The following GRIN2B variants were observed in gnomAD, a reference collection of about 807,000 sequenced individuals.
GRIN2B encodes the protein glutamate receptor ionotropic, NMDA 2B.
GRIN2B carries 5 observed loss-of-function variants against 114.5 expected under a neutral mutation model. The observed-to-expected ratio is 0.04, with a 90% CI of 0.02 to 0.09. The LOEUF (loss-of-function observed/expected upper bound fraction) is 0.09. Among genes scored for constraint, GRIN2B ranks in the 10% least tolerant of loss-of-function variants. GRIN2B has a pLI of 1.00. For missense variants in GRIN2B, 1,108 were observed against 1,943.5 expected, an observed-to-expected ratio of 0.57 and a Z score of 8.08; for synonymous variants, 787 against 745.1, an observed-to-expected ratio of 1.06 and a Z score of -0.92.
At chr12:13,628,276 C>A (rs1417996825) in intron 5 of GRIN2B, among the ~76,000 whole-genome samples, 4 of 152,096 alleles carry the variant, frequency 2.6e-5, no homozygotes, top group African/African-American at 9.7e-5. Flanking sequence ...AACAGCGCCA[C>A]CATGCAGAAG....
At chr12:13,971,078 TG>T (rs1862902952) in intron 2 of GRIN2B, among the ~76,000 whole-genome samples, 1 of 152,176 alleles carries the variant, frequency 6.6e-6, no homozygotes, top group Non-Finnish European at 1.5e-5. Context: ...CTCCATGATT[TG>T]GATGTTTTGC....
chr12:13,613,006 C>T (rs1184674202), intron 8 of GRIN2B, among the ~76,000 whole-genome samples: 3 of 152,052 alleles, frequency 2.0e-5, no homozygotes, highest in African/African-American at 7.2e-5. Flanking sequence ...TATTGAACTC[C>T]CAAAGGAATT....
Position 13,548,633 on chromosome 12 carries a change from A to G in GRIN2B, c.*14150T>C, listed in dbSNP as rs1948374883. On this transcript the variant is annotated 3_prime_UTR_variant, in exon 14 of 14. Coordinates refer to ENST00000609686, the MANE Select transcript of GRIN2B (RefSeq NM_000834.5). ...ATCTGTAATGACACTCATGAAAAAG[A>G]TGAAGTCACCACGGAGTCAAGGTAG... 6.6e-6 allele frequency: 1 copy of G among 152,160 alleles called. No homozygotes were observed. Among genetic ancestry groups the G allele is most frequent in the East Asian group, 1.9e-4 (1 of 5,190 alleles). 9.4% of individuals were successfully genotyped at this position (152,160 alleles called of 1,614,324 possible).
intron 4 of GRIN2B, among the ~76,000 whole-genome samples, chr12:13,740,468 T>C (rs539520464): frequency 6.6e-6 from 1 of 152,130 alleles, no homozygotes; most frequent in South Asian, 2.1e-4. Context: ...CATGTCCCGT[T>C]TCTTTCATTT....
At chr12:13,768,253 C>T (rs1236573143) in intron 3 of GRIN2B, among the ~76,000 whole-genome samples, 2 of 152,208 alleles carry the variant, frequency 1.3e-5, no homozygotes, top group African/African-American at 2.4e-5. Context: ...AGGTGGGTAC[C>T]TGGCCGAAGC....
Position 13,614,744 on chromosome 12 carries a change from G to A in GRIN2B, c.1654+370C>T, listed in dbSNP as rs3026176. ...TTAGAAATTATTATGGCAAGAAGCAGTCTCAGAGATCAGCCTGGTTGAAAT... is the reference window on the plus strand; with the variant it reads ...TTAGAAATTATTATGGCAAGAAGCAATCTCAGAGATCAGCCTGGTTGAAAT... On this transcript the variant is annotated intron_variant, in intron 8 of 13. Transcript: ENST00000609686. 2.1e-3 allele frequency among the ~76,000 whole-genome samples: 325 copies of A among 152,326 alleles called. 1 individual carries two copies. Among genetic ancestry groups the A allele is most frequent in the Non-Finnish European group, 3.4e-3 (234 of 68,024 alleles).
intron 3 of GRIN2B, among the ~76,000 whole-genome samples, chr12:13,859,916 T>A (rs971602934): frequency 2.6e-5 from 4 of 152,216 alleles, no homozygotes; most frequent in Non-Finnish European, 5.9e-5. Flanking sequence ...GCCATAACAT[T>A]ACAGTTTTCT....
At chr12:13,774,147 G>A (rs1863958876) in intron 3 of GRIN2B, among the ~76,000 whole-genome samples, 1 of 152,162 alleles carries the variant, frequency 6.6e-6, no homozygotes, top group African/African-American at 2.4e-5. Context: ...CTGTTAATAT[G>A]AGCAGACAGG....
rs570207308 is a variant in GRIN2B at position 13,708,957 on chromosome 12, A to G, written c.1011-33098T>C. Among the ~76,000 whole-genome samples, 11 of 152,256 alleles carry G rather than the reference A, an allele frequency of 7.2e-5. 1 individual carries two copies. The South Asian group carries it at 2.1e-3, about 29-fold the overall frequency. ...TTCTAATGGTGGTAATAGATAATAAATGAGAAACCCAGGTTTACATAAATA... is the reference window on the plus strand; with the variant it reads ...TTCTAATGGTGGTAATAGATAATAAGTGAGAAACCCAGGTTTACATAAATA... On this transcript the variant is annotated intron_variant, in intron 4 of 13. Transcript: ENST00000609686.
rs1302536753 is a variant in GRIN2B, at chr12:13,551,712, A to G, written c.*11071T>C. The G allele has an allele frequency of 6.6e-6, 1 of 152,178 alleles. No individual in the cohort carries two copies. The allele number at this position is 152,178 out of a possible 1,614,324, so 9.4% of individuals were successfully genotyped here. A position where few individuals can be genotyped will look rare whatever the true frequency, so the allele number is the denominator to read the frequency against. On this transcript the variant is annotated 3_prime_UTR_variant, in exon 14 of 14. Transcript: ENST00000609686. ...AGAATGCTCATGGCAAAGAGATCAA[A>G]TTCTGTGTAGTTGTGCTGTTCAGGT... is the stretch of plus-strand genomic sequence containing the variant.
At chr12:13,601,517 GA>G (rs1287030502) in intron 10 of GRIN2B, among the ~76,000 whole-genome samples, 1 of 149,144 alleles carries the variant, frequency 6.7e-6, no homozygotes, top group Non-Finnish European at 1.5e-5. Flanking sequence ...CATTTGCAAA[GA>G]TTTTTTTTTT....
intron 2 of GRIN2B, among the ~76,000 whole-genome samples, chr12:13,937,835 C>A (rs1039058640): frequency 2.0e-5 from 3 of 151,976 alleles, no homozygotes; most frequent in Non-Finnish European, 4.4e-5. Context: ...ACAAGGTGGA[C>A]AGTCATATGA....
chr12:13,584,218 C>A (rs1202132791), intron 10 of GRIN2B, among the ~76,000 whole-genome samples: 1 of 152,150 alleles, frequency 6.6e-6, no homozygotes, highest in Admixed American at 6.5e-5. Flanking sequence ...CCCTCACATG[C>A]TCTTCTCTGC....
intron 4 of GRIN2B, among the ~76,000 whole-genome samples, chr12:13,718,836 G>C (rs747064511): frequency 3.1e-4 from 47 of 152,042 alleles, no homozygotes; most frequent in Non-Finnish European, 5.9e-4. Context: ...CACGCTGTAA[G>C]TAGAAACACA....
Position 13,825,312 on chromosome 12 carries a change from T to C in GRIN2B, c.411+40486A>G, listed in dbSNP as rs551062007. 3.3e-5 allele frequency among the ~76,000 whole-genome samples: 5 copies of C among 151,952 alleles called. No homozygotes were observed. The South Asian group carries it at 1.0e-3, about 32-fold the overall frequency. On this transcript the variant is annotated intron_variant, in intron 3 of 13. Coordinates refer to ENST00000609686, the MANE Select transcript of GRIN2B (RefSeq NM_000834.5). ...TCAATCAACTTACACTTGATAAGAC[T>C]CATTTGATAGAATAAGACTTATTTG... is the stretch of plus-strand genomic sequence containing the variant.
Position 13,563,673 on chromosome 12 carries a change from C to T in GRIN2B, c.3565G>A (p.Val1189Met), listed in dbSNP as rs535509676. 9 of 1,613,584 alleles carry T rather than the reference C, an allele frequency of 5.6e-6. 1 individual carries two copies. The Admixed American group carries it at 1.0e-4, about 18-fold the overall frequency. The change falls in exon 14 of 14, where the codon GTG becomes ATG. Residue 1189 changes from valine to methionine, a missense_variant. This residue lies in a region of GRIN2B where 478 missense variants were observed against 506.0 expected (regional missense o/e 0.94). Transcript: ENST00000609686. ...CAAGGTGCAGGTACCCCGCTGACCA[C>T]GCCGTGTTTGTCGCCCGTCCCGTGC... ...IKHGTGDKHGVVSGVPAPWEK... is the reference protein window; with the variant it reads ...IKHGTGDKHGMVSGVPAPWEK...
At chr12:13,837,730 G>A (rs544984723) in intron 3 of GRIN2B, among the ~76,000 whole-genome samples, 1 of 152,284 alleles carries the variant, frequency 6.6e-6, no homozygotes, top group South Asian at 2.1e-4. Flanking sequence ...AGGGCTTGGG[G>A]TTGGCGATCT....
chr12:13,768,571 G>T (rs555355065), intron 3 of GRIN2B, among the ~76,000 whole-genome samples: 1 of 152,316 alleles, frequency 6.6e-6, no homozygotes, highest in East Asian at 1.9e-4. Context: ...TGTCCTTGAG[G>T]AAGACCCAGT....
chr12:13,616,579 C>T lies in GRIN2B; in HGVS notation c.1204G>A (p.Glu402Lys). 1.9e-6 allele frequency: 3 copies of T among 1,614,012 alleles called. No individual in the cohort carries two copies. The highest frequency in any genetic ancestry group is 2.5e-6 in the Non-Finnish European group (3 of 1,179,858). ...GTCACAATGCTCAGATGGTCATCCT[C>T]CTGCTCTTCAGTCTCTGGACACATT... Reference protein sequence around the residue: ...PRMCPETEEQEDDHLSIVTLE... With the variant: ...PRMCPETEEQKDDHLSIVTLE... The change falls in exon 6 of 14, where the codon GAG becomes AAG. Residue 402 changes from glutamate (E) to lysine (K), a missense_variant. Coordinates refer to ENST00000609686, the MANE Select transcript of GRIN2B (RefSeq NM_000834.5).
Sources: allele counts gnomAD v4.1 joint callset (sites outside exome capture counted in the v4.1 genomes callset), GRCh38; gene constraint gnomAD v4.1.1; regional missense constraint gnomAD v4.1.1; transcripts MANE v1.5; gene names NCBI Gene and HGNC (gene_info 2026-07-23, HGNC 2026-07-21).